Variants in NPAS1 observed in about 807,000 individuals in gnomAD.
The protein encoded by NPAS1 is neuronal PAS domain protein 1.
NPAS1 carries 29 observed loss-of-function variants against 49.2 expected under a neutral mutation model. The observed-to-expected ratio is 0.59, with a 90% CI of 0.44 to 0.80. The LOEUF (loss-of-function observed/expected upper bound fraction) is 0.80, where lower values mean the gene tolerates loss of function less well. Ranked by LOEUF, NPAS1 falls within the 30% of genes least tolerant of loss-of-function variation. NPAS1 has a pLI of 0.00. For synonymous variants in NPAS1, 408 were observed against 380.4 expected (o/e 1.07, Z -0.84); for missense variants, 825 against 835.5 (o/e 0.99, Z 0.15).
chr19:47,034,952 C>T (rs2056937110), intron 5 of NPAS1, among the ~76,000 whole-genome samples: 1 of 151,936 alleles, frequency 6.6e-6, no homozygotes, highest in Non-Finnish European at 1.5e-5. Flanking sequence ...GAGGCTGAGG[C>T]GGGCAGATCA....
chr19:47,027,005 C>T (rs955057639), intron 3 of NPAS1, among the ~76,000 whole-genome samples: 5 of 151,836 alleles, frequency 3.3e-5, no homozygotes, highest in Non-Finnish European at 5.9e-5. Context: ...CAGTATTAGG[C>T]ACCTACTGTA....
At chr19:47,025,303 A>G (rs946555047) in intron 3 of NPAS1, among the ~76,000 whole-genome samples, 3 of 133,594 alleles carry the variant, frequency 2.2e-5, no homozygotes, top group Non-Finnish European at 5.1e-5. Flanking sequence ...TTATAGACGG[A>G]GTTTTGCTCT....
At chr19:47,040,653 C>T in intron 9 of NPAS1, 103 bp downstream of exon 9, 1 of 752,872 alleles carries the variant, frequency 1.3e-6, no homozygotes, top group Non-Finnish European at 2.3e-6. Flanking sequence ...CCCACAGTCC[C>T]TCCTGCTGCA....
chr19:47,038,994 C>T, intron 6 of NPAS1, 42 bp from the exon 7 acceptor site: 2 of 1,573,734 alleles, frequency 1.3e-6, no homozygotes, highest in Non-Finnish European at 8.7e-7. Flanking sequence ...CTGTGTGTTT[C>T]CTCTTCAGGA....
chr19:47,042,871 G>A lies in NPAS1; in HGVS notation c.1279G>A (p.Glu427Lys). The A allele has an allele frequency of 6.2e-7, 1 of 1,605,344 alleles. No homozygotes were observed. Among genetic ancestry groups the A allele is most frequent in the South Asian group, 1.1e-5 (1 of 89,580 alleles). The change falls in exon 11 of 12, where the codon GAG becomes AAG. Residue 427 changes from glutamate (E) to lysine (K), a missense_variant. Transcript: ENST00000602212. ...AFQLPASVACEEASSPGPEPT... is the reference protein window; with the variant it reads ...AFQLPASVACKEASSPGPEPT... ...CCAGCTTCCAGCCAGCGTGGCCTGT[G>A]AGGAGGCATCCAGCCCGGGGCCAGA...
chr19:47,037,849 G>A (rs2056974173), intron 6 of NPAS1, among the ~76,000 whole-genome samples: 2 of 152,262 alleles, frequency 1.3e-5, no homozygotes, highest in African/African-American at 2.4e-5. Context: ...GTTTTGTAGG[G>A]GTTACAGAAG....
At chr19:47,038,645 G>A (rs2056986144) in intron 6 of NPAS1, among the ~76,000 whole-genome samples, 1 of 152,060 alleles carries the variant, frequency 6.6e-6, no homozygotes, top group African/African-American at 2.4e-5. Flanking sequence ...TGGCCAACAT[G>A]GCAAAACCCC....
chr19:47,044,528 T>G (rs1206413471), intron 11 of NPAS1, among the ~76,000 whole-genome samples: 6 of 152,228 alleles, frequency 3.9e-5, no homozygotes, highest in Non-Finnish European at 7.3e-5. Flanking sequence ...TCCTGGAAAC[T>G]TCCACTGAAG....
chr19:47,026,524 G>A (rs969882532), intron 3 of NPAS1, among the ~76,000 whole-genome samples: 2 of 152,182 alleles, frequency 1.3e-5, no homozygotes, highest in African/African-American at 4.8e-5. Flanking sequence ...CATGGGTGGT[G>A]GAACACAGGT....
rs552909436 is a variant in NPAS1 at position 47,045,743 on chromosome 19, C to T, written c.*92C>T. 22 of 1,160,054 alleles carry T rather than the reference C, an allele frequency of 1.9e-5. No homozygotes were observed. The highest frequency in any genetic ancestry group is 1.4e-4 in the Admixed American group (4 of 29,324). The allele number at this position is 1,160,054 out of a possible 1,614,324, so 71.9% of individuals were successfully genotyped here. On this transcript the variant is annotated 3_prime_UTR_variant, in exon 12 of 12. Coordinates refer to ENST00000602212, the MANE Select transcript of NPAS1 (RefSeq NM_002517.4). ...TCTGCCCGTAGCCCTGAGAATTAAA[C>T]GCCGGCTCTCCCTGCAGTGGTTTGG...
Position 47,021,195 on chromosome 19 carries a change from C to T in NPAS1, c.122+26C>T. The T allele has an allele frequency of 2.7e-6, 4 of 1,494,802 alleles. No homozygotes were observed. The highest frequency in any genetic ancestry group is 2.5e-5 in the East Asian group (1 of 39,352). The allele number at this position is 1,494,802 out of a possible 1,614,324, so 92.6% of individuals were successfully genotyped here. On this transcript the variant is annotated intron_variant, in intron 2 of 11. Coordinates refer to ENST00000602212, the MANE Select transcript of NPAS1 (RefSeq NM_002517.4). This position sits in a 1 kb window ranked among gnomAD's most constrained non-coding sequence, Gnocchi z 5.7. Reference sequence around the variant, plus strand: ...GTGAGCAAAGCCCCGCCCCCCTGGCCGCGGGCCCCCCCCCGGGTCCAATTC... The same window carrying T: ...GTGAGCAAAGCCCCGCCCCCCTGGCTGCGGGCCCCCCCCCGGGTCCAATTC...
At chr19:47,034,207 G>A (rs142969124) in intron 5 of NPAS1, among the ~76,000 whole-genome samples, 12,667 of 151,164 alleles carry the variant, frequency 0.084, 729 homozygotes, top group Middle Eastern at 0.17. Context: ...CCAGCTACTC[G>A]GGAGGCTGAG....
intron 3 of NPAS1, among the ~76,000 whole-genome samples, chr19:47,023,609 G>A (rs957671598): frequency 2.0e-5 from 3 of 152,192 alleles, no homozygotes; most frequent in African/African-American, 7.2e-5. Context: ...AAGCCACAGA[G>A]CAGAGCACTG....
chr19:47,020,914 T>A, intron 1 of NPAS1, 92 bp from the exon 2 acceptor site: 18 of 208,160 alleles, frequency 8.6e-5, no homozygotes, highest in Non-Finnish European at 1.3e-4. Flanking sequence ...CCCCAGCTCC[T>A]TGCTGGGACC....
chr19:47,033,262 TG>T (rs1190254583), intron 5 of NPAS1, among the ~76,000 whole-genome samples: 1 of 148,052 alleles, frequency 6.8e-6, no homozygotes, highest in African/African-American at 2.5e-5. Context: ...TTTTTTGAGT[TG>T]GAGTTTCCCT....
At chr19:47,032,157 A>G (rs1246689028) in intron 3 of NPAS1, 121 bp from the exon 4 acceptor site, 1 of 851,416 alleles carries the variant, frequency 1.2e-6, no homozygotes, top group Middle Eastern at 2.3e-4. Context: ...GGGTGCCCAG[A>G]TACCCCAAGA....
chr19:47,040,337 C>A (rs1455959605), intron 8 of NPAS1, 107 bp from the exon 9 acceptor site: 9 of 698,132 alleles, frequency 1.3e-5, no homozygotes, highest in Non-Finnish European at 2.0e-5. Context: ...TGTTATTGCA[C>A]CCATTTTACA....
intron 1 of NPAS1, among the ~76,000 whole-genome samples, chr19:47,020,319 C>T (rs1243244576): frequency 1.3e-5 from 2 of 151,838 alleles, no homozygotes; most frequent in African/African-American, 2.4e-5. Context: ...ACACCTGGGC[C>T]CCGAGTGTCG....
intron 7 of NPAS1, 126 bp from the exon 8 acceptor site, chr19:47,039,280 TG>T (rs142360956): frequency 2.4e-5 from 36 of 1,476,922 alleles, no homozygotes; most frequent in East Asian, 4.6e-5. Context: ...GGAATGGGAC[TG>T]GGGGGGTCAC....
Sources: allele counts gnomAD v4.1 joint callset (sites outside exome capture counted in the v4.1 genomes callset), GRCh38; gene constraint gnomAD v4.1.1; non-coding constraint Gnocchi (gnomAD v3.1); transcripts MANE v1.5; gene names NCBI Gene and HGNC (gene_info 2026-07-23, HGNC 2026-07-21).